The following CDH4 variants were observed in gnomAD, a reference collection of about 807,000 sequenced individuals.
CDH4 encodes cadherin-4.
A neutral mutation model predicts 86.0 loss-of-function variants in CDH4; 33 were observed. The ratio of observed to expected loss-of-function variants is 0.38; its 90% CI spans 0.29 to 0.51. The LOEUF is 0.51. Ranked by LOEUF, CDH4 falls within the 20% of genes least tolerant of loss-of-function variation. CDH4 has a pLI of 0.86. For missense variants in CDH4, 1,114 were observed against 1,307.4 expected (o/e 0.85, Z 2.28); for synonymous variants, 555 against 549.4 (o/e 1.01, Z -0.14).
chr20:61,879,217 C>T lies in CDH4; in HGVS notation c.1050+5317C>T, dbSNP rs1259126533. Among the ~76,000 whole-genome samples the T allele has an allele frequency of 1.3e-5, 2 of 152,216 alleles. No individual in the cohort carries two copies. The highest frequency in any genetic ancestry group is 4.8e-5 in the African/African-American group (2 of 41,454). ...GAGCCACTGCCCCCCTGGGCCCAGGCCTGCTGAGCCCGAGAAGCTGATTTC... is the reference window on the plus strand; with the variant it reads ...GAGCCACTGCCCCCCTGGGCCCAGGTCTGCTGAGCCCGAGAAGCTGATTTC... On this transcript the variant is annotated intron_variant, in intron 7 of 15. Transcript: ENST00000614565. The surrounding 1 kb of genome is among the most constrained non-coding windows in gnomAD (Gnocchi z 4.1).
At chr20:61,877,483 G>A (rs1389927135) in intron 7 of CDH4, among the ~76,000 whole-genome samples, 2 of 151,952 alleles carry the variant, frequency 1.3e-5, no homozygotes, top group African/African-American at 2.4e-5. Flanking sequence ...TGAAGATTGA[G>A]GAACATGAGG....
At chr20:61,644,029 CAG>C (rs1402225061) in intron 2 of CDH4, among the ~76,000 whole-genome samples, 7 of 152,148 alleles carry the variant, frequency 4.6e-5, no homozygotes, top group African/African-American at 1.7e-4. Flanking sequence ...AGTGAGGGGT[CAG>C]GGGATGGAAA....
At chr20:61,645,093 G>A (rs1236420896) in intron 2 of CDH4, among the ~76,000 whole-genome samples, 7 of 152,204 alleles carry the variant, frequency 4.6e-5, no homozygotes, top group Admixed American at 2.6e-4. Context: ...ATACTTCCTT[G>A]GAGGCCCCAT....
chr20:61,856,280 T>C (rs1982999556), intron 6 of CDH4, among the ~76,000 whole-genome samples: 1 of 152,094 alleles, frequency 6.6e-6, no homozygotes, highest in Non-Finnish European at 1.5e-5. Context: ...TTGACTCAGC[T>C]CCAGAGGAAC....
intron 2 of CDH4, among the ~76,000 whole-genome samples, chr20:61,562,480 G>A (rs970989853): frequency 2.0e-5 from 3 of 152,170 alleles, no homozygotes; most frequent in Non-Finnish European, 4.4e-5. Context: ...GTGGTTTGTC[G>A]CTTCTTTCAT....
intron 4 of CDH4, among the ~76,000 whole-genome samples, chr20:61,775,490 T>C (rs2088828833): frequency 6.6e-6 from 1 of 152,216 alleles, no homozygotes; most frequent in Non-Finnish European, 1.5e-5. Flanking sequence ...ACCATACAGC[T>C]TCTGTCGCTG....
At chr20:61,668,823 A>G (rs750686396) in intron 2 of CDH4, among the ~76,000 whole-genome samples, 29 of 152,252 alleles carry the variant, frequency 1.9e-4, no homozygotes, top group Non-Finnish European at 4.1e-4. Context: ...CTATTGCAGA[A>G]TCATCCAGGG....
At chr20:61,760,380 G>A (rs951102598) in intron 3 of CDH4, among the ~76,000 whole-genome samples, 4 of 152,146 alleles carry the variant, frequency 2.6e-5, no homozygotes, top group South Asian at 2.1e-4. Context: ...ACAGGTGCGC[G>A]GGGAGAGGGG....
intron 2 of CDH4, among the ~76,000 whole-genome samples, chr20:61,470,302 G>T (rs542244254): frequency 2.0e-5 from 3 of 151,820 alleles, no homozygotes; most frequent in Non-Finnish European, 4.4e-5. Context: ...TATAACTATT[G>T]TAAATGGAAT....
chr20:61,337,562 A>G (rs1309691336), intron 2 of CDH4, among the ~76,000 whole-genome samples: 1 of 152,048 alleles, frequency 6.6e-6, no homozygotes, highest in East Asian at 1.9e-4. Context: ...GTGATGGTGT[A>G]TAGATACTTC....
intron 4 of CDH4, among the ~76,000 whole-genome samples, chr20:61,803,466 C>A (rs913063484): frequency 2.6e-5 from 4 of 152,196 alleles, no homozygotes; most frequent in African/African-American, 9.6e-5. Context: ...GAAATGGTAA[C>A]TTGATTACAT....
intron 2 of CDH4, among the ~76,000 whole-genome samples, chr20:61,265,682 A>C (rs2084155031): frequency 6.6e-6 from 1 of 152,240 alleles, no homozygotes; most frequent in African/African-American, 2.4e-5. Flanking sequence ...CATACCTCGC[A>C]ATCTTACACA....
At chr20:61,555,284 T>C (rs747892110) in intron 2 of CDH4, among the ~76,000 whole-genome samples, 3 of 152,188 alleles carry the variant, frequency 2.0e-5, no homozygotes, top group Non-Finnish European at 2.9e-5. Flanking sequence ...AAGATGTATT[T>C]ATCTTTAATT....
At chr20:61,686,492 T>C (rs924885853) in intron 2 of CDH4, among the ~76,000 whole-genome samples, 6 of 151,354 alleles carry the variant, frequency 4.0e-5, no homozygotes, top group Non-Finnish European at 7.4e-5. Context: ...TGTGTGTGCA[T>C]TCGCGTGTGT....
chr20:61,668,746 C>T (rs2087354401), intron 2 of CDH4, among the ~76,000 whole-genome samples: 1 of 152,248 alleles, frequency 6.6e-6, no homozygotes, highest in Non-Finnish European at 1.5e-5. Flanking sequence ...GTCTGCACTC[C>T]AGGGGGATGC....
At chr20:61,688,441 T>C (rs2087613173) in intron 2 of CDH4, among the ~76,000 whole-genome samples, 1 of 152,132 alleles carries the variant, frequency 6.6e-6, no homozygotes, top group African/African-American at 2.4e-5. Flanking sequence ...AATCTGATAA[T>C]GATAAGAACA....
intron 2 of CDH4, among the ~76,000 whole-genome samples, chr20:61,466,842 C>T (rs934122223): frequency 2.1e-5 from 3 of 143,654 alleles, no homozygotes; most frequent in African/African-American, 7.7e-5. Context: ...CAAAGTGAGA[C>T]GCTGCCTCAA....
At chr20:61,273,333 G>C (rs1325136645) in intron 2 of CDH4, among the ~76,000 whole-genome samples, 2 of 139,596 alleles carry the variant, frequency 1.4e-5, no homozygotes, top group Non-Finnish European at 3.1e-5. Flanking sequence ...TGCAGTTTGG[G>C]AGAGTACCTT....
intron 2 of CDH4, among the ~76,000 whole-genome samples, chr20:61,459,721 C>T (rs906774270): frequency 1.3e-5 from 2 of 151,866 alleles, no homozygotes; most frequent in Admixed American, 1.3e-4. Flanking sequence ...GTTTTCATGT[C>T]TCTTCCTGTG....
Sources: gnomAD v4.1 joint callset for allele counts (sites outside exome capture counted in the v4.1 genomes callset) on GRCh38, gnomAD v4.1.1 for gene constraint, Gnocchi (gnomAD v3.1) non-coding constraint, MANE v1.5 for transcripts, NCBI Gene and HGNC (gene_info 2026-07-23, HGNC 2026-07-21) for gene names.